Variants in RAVER2 observed in about 807,000 individuals in gnomAD.
RAVER2 encodes ribonucleoprotein, PTB binding 2.
In RAVER2, 46 loss-of-function variants were observed where a neutral mutation model predicts 78.1. The observed-to-expected ratio is 0.59, with a 90% CI of 0.46 to 0.75. The LOEUF is 0.75. Ranked by LOEUF, RAVER2 falls within the 30% of genes least tolerant of loss-of-function variation. The probability of loss-of-function intolerance (pLI) is 0.00; values close to 1 mark genes in which losing one functional copy is unlikely to be tolerated. For synonymous variants in RAVER2, 311 were observed against 313.3 expected (o/e 0.99, Z 0.08); for missense variants, 793 against 837.5 (o/e 0.95, Z 0.66).
rs556671963 is a variant in RAVER2 at position 64,805,644 on chromosome 1, A to C, written c.1411+539A>C. Among the ~76,000 whole-genome samples, 21 of 152,322 alleles carry C rather than the reference A, an allele frequency of 1.4e-4. No homozygotes were observed. In the South Asian group the frequency reaches 4.1e-3, roughly 30 times the overall value. On this transcript the variant is annotated intron_variant, in intron 8 of 11. Coordinates refer to ENST00000294428, the Ensembl canonical transcript of RAVER2. ...GCATGGTGTTATACTAAGACTTCTT[A>C]TTTGAATGTGATTTTGAAGGGCATT...
chr1:64,761,219 C>T (rs1243649606), intron 1 of RAVER2, among the ~76,000 whole-genome samples: 1 of 152,144 alleles, frequency 6.6e-6, no homozygotes, highest in Admixed American at 6.5e-5. Flanking sequence ...GGTATTGAAA[C>T]GAACTTTCCA....
intron 5 of RAVER2, among the ~76,000 whole-genome samples, chr1:64,790,023 C>T (rs1461281593): frequency 6.6e-6 from 1 of 152,166 alleles, no homozygotes; most frequent in Non-Finnish European, 1.5e-5. Flanking sequence ...TATCAGTATA[C>T]ATTAAATATC....
exon 12 of RAVER2, chr1:64,832,630 T>C (rs865849295): frequency 2.0e-5 from 3 of 152,198 alleles, no homozygotes; most frequent in Non-Finnish European, 4.4e-5. Flanking sequence ...TTGGTACATA[T>C]GTTGTATGCT....
At chr1:64,753,523 C>CTT (rs59448781) in intron 1 of RAVER2, among the ~76,000 whole-genome samples, 29 of 100,892 alleles carry the variant, frequency 2.9e-4, no homozygotes, top group South Asian at 3.2e-4. Flanking sequence ...GTATAGAATT[C>CTT]TTTTTTTTTT....
At chr1:64,804,300 AAT>A (rs1274520566) in intron 6 of RAVER2, among the ~76,000 whole-genome samples, 2 of 152,036 alleles carry the variant, frequency 1.3e-5, no homozygotes, top group Non-Finnish European at 2.9e-5. Flanking sequence ...TACCATGTGT[AAT>A]CCTGTGTTTT....
At chr1:64,825,670 A>G (rs182975241) in intron 11 of RAVER2, among the ~76,000 whole-genome samples, 3 of 152,330 alleles carry the variant, frequency 2.0e-5, no homozygotes, top group South Asian at 4.1e-4. Context: ...CACCAGTTCA[A>G]TTATTGACAT....
chr1:64,784,914 C>T (rs1652736730), intron 4 of RAVER2, among the ~76,000 whole-genome samples: 1 of 152,174 alleles, frequency 6.6e-6, no homozygotes. Flanking sequence ...AGGATCTCAT[C>T]TTTTCTCATC....
chr1:64,747,707 T>G (rs960452492), intron 1 of RAVER2, among the ~76,000 whole-genome samples: 18 of 152,168 alleles, frequency 1.2e-4, no homozygotes, highest in African/African-American at 4.3e-4. Context: ...AGAGATGTGG[T>G]TTTGCCATGT....
chr1:64,793,134 C>T (rs1287693433), intron 5 of RAVER2, among the ~76,000 whole-genome samples: 4 of 152,028 alleles, frequency 2.6e-5, no homozygotes, highest in East Asian at 3.9e-4. Flanking sequence ...ACCCTGGAGG[C>T]GGAGGTTGCA....
At chr1:64,790,597 T>G (rs1388346860) in intron 5 of RAVER2, among the ~76,000 whole-genome samples, 1 of 152,168 alleles carries the variant, frequency 6.6e-6, no homozygotes, top group Non-Finnish European at 1.5e-5. Flanking sequence ...ATTGCTAAGA[T>G]CTACAGTAAG....
At chr1:64,814,902 A>C (rs1653718393) in intron 11 of RAVER2, 62 bp downstream of exon 11, 4 of 1,336,498 alleles carry the variant, frequency 3.0e-6, no homozygotes, top group African/African-American at 3.0e-5. Context: ...TATTGAGTTC[A>C]CTGAATATGA....
intron 9 of RAVER2, among the ~76,000 whole-genome samples, chr1:64,811,282 G>A (rs1032204556): frequency 6.6e-6 from 1 of 152,166 alleles, no homozygotes; most frequent in Non-Finnish European, 1.5e-5. Flanking sequence ...TTAAAATGCT[G>A]TATGTTGCTA....
chr1:64,764,332 A>G (rs1458886030), intron 1 of RAVER2, among the ~76,000 whole-genome samples: 1 of 151,708 alleles, frequency 6.6e-6, no homozygotes, highest in Admixed American at 6.6e-5. Context: ...CTAATAGTTG[A>G]TTACCCATAT....
At chr1:64,771,801 A>G (rs1365046156) in intron 2 of RAVER2, among the ~76,000 whole-genome samples, 2 of 152,126 alleles carry the variant, frequency 1.3e-5, no homozygotes, top group Non-Finnish European at 2.9e-5. Context: ...CATTAATTGT[A>G]TTAAATGATT....
At chr1:64,795,828 A>G (rs1000570216) in intron 5 of RAVER2, among the ~76,000 whole-genome samples, 14 of 151,978 alleles carry the variant, frequency 9.2e-5, no homozygotes, top group African/African-American at 2.9e-4. Context: ...AGAAATTCCA[A>G]TTGTGCATAG....
exon 4 of RAVER2, chr1:64,781,438 C>G: frequency 6.2e-7 from 1 of 1,613,554 alleles, no homozygotes; most frequent in Non-Finnish European, 8.5e-7. Context: ...TATAGCACTG[C>G]GGAGCAGGCT....
Position 64,777,750 on chromosome 1 carries a change from C to T in RAVER2, c.444C>T (p.Asn148=), listed in dbSNP as rs760632123. 1.2e-5 allele frequency: 20 copies of T among 1,613,810 alleles called. No homozygotes were observed. In the Middle Eastern group the frequency reaches 4.9e-4, roughly 40 times the overall value. Reference sequence around the variant, plus strand: ...CAGATGCTTTGTTGTGTATTACCAACGTGCCCATTTCTTTTACATCAGAAG... The same window carrying T: ...CAGATGCTTTGTTGTGTATTACCAATGTGCCCATTTCTTTTACATCAGAAG... Residue 148 remains asparagine (N), a synonymous_variant, in exon 3 of 12, where the codon AAC becomes AAT. Transcript: ENST00000294428.
At chr1:64,778,041 A>G (rs769738002) in exon 3 of RAVER2, 21 of 1,613,760 alleles carry the variant, frequency 1.3e-5, no homozygotes, top group Middle Eastern at 3.3e-4. Context: ...ACAGGGATTC[A>G]GAAGAGCTGT....
At chr1:64,801,739 C>T (rs1000444383) in intron 5 of RAVER2, among the ~76,000 whole-genome samples, 4 of 152,136 alleles carry the variant, frequency 2.6e-5, no homozygotes, top group South Asian at 2.1e-4. Context: ...TGGTTGTGAG[C>T]GCCTGTAATC....
Sources: gnomAD v4.1 joint callset for allele counts (sites outside exome capture counted in the v4.1 genomes callset) on GRCh38, gnomAD v4.1.1 for gene constraint, MANE v1.5 for transcripts, NCBI Gene and HGNC (gene_info 2026-07-23, HGNC 2026-07-21) for gene names.